GALNT17: variants seen among roughly 807,000 people sequenced by gnomAD.
The protein encoded by GALNT17 is UDP-GalNAc:polypeptide N-acetylgalactosaminyltransferase-like 3.
GALNT17 carries 29 observed loss-of-function variants against 63.7 expected under a neutral mutation model. That is an observed-to-expected ratio of 0.46 (90% CI 0.34 to 0.62). The LOEUF (loss-of-function observed/expected upper bound fraction) is 0.62. Among genes scored for constraint, GALNT17 ranks in the 20% least tolerant of loss-of-function variants. GALNT17 has a pLI of 0.01. For synonymous variants in GALNT17, 305 were observed against 318.3 expected (o/e 0.96, Z 0.45); for missense variants, 603 against 799.6 (o/e 0.75, Z 2.97).
chr7:71,550,905 T>G (rs1789066162), intron 5 of GALNT17, among the ~76,000 whole-genome samples: 1 of 152,214 alleles, frequency 6.6e-6, no homozygotes, highest in Non-Finnish European at 1.5e-5. Context: ...ATTTTGCCTT[T>G]GTTTTTAAAT....
intron 9 of GALNT17, among the ~76,000 whole-genome samples, chr7:71,693,712 C>G (rs1308878342): frequency 2.0e-5 from 3 of 151,316 alleles, no homozygotes; most frequent in Non-Finnish European, 2.9e-5. Flanking sequence ...CTAATGGGTA[C>G]TAGGCTTAAT....
At chr7:71,209,707 A>G (rs1407050418) in intron 1 of GALNT17, among the ~76,000 whole-genome samples, 1 of 151,882 alleles carries the variant, frequency 6.6e-6, no homozygotes, top group African/African-American at 2.4e-5. Flanking sequence ...TATTGCCTAT[A>G]TTAGTCCGTT....
intron 5 of GALNT17, among the ~76,000 whole-genome samples, chr7:71,486,355 TAATAATAATAATA>T (rs1177829699): frequency 6.1e-5 from 8 of 131,840 alleles, no homozygotes; most frequent in Admixed American, 5.8e-4. Context: ...ATAATAATAA[TAATAATAATAATA>T]ATAATAATAA....
intron 5 of GALNT17, among the ~76,000 whole-genome samples, chr7:71,472,546 T>A (rs1319983675): frequency 6.6e-6 from 1 of 151,884 alleles, no homozygotes; most frequent in East Asian, 1.9e-4. Flanking sequence ...ATTAGCTGGG[T>A]GTGATGGCGT....
intron 9 of GALNT17, among the ~76,000 whole-genome samples, chr7:71,706,648 T>C (rs1016469037): frequency 1.3e-5 from 2 of 152,116 alleles, no homozygotes; most frequent in African/African-American, 4.8e-5. Flanking sequence ...CTTCTAACAA[T>C]GACTTTGATT....
chr7:71,590,963 A>G (rs60625937), intron 6 of GALNT17, among the ~76,000 whole-genome samples: 6,327 of 152,178 alleles, frequency 0.042, 402 homozygotes, highest in African/African-American at 0.14. Flanking sequence ...GTTTCGCCAT[A>G]TTGGCCAGGC....
chr7:71,670,487 C>T (rs575968353), intron 8 of GALNT17, among the ~76,000 whole-genome samples: 2 of 152,090 alleles, frequency 1.3e-5, no homozygotes, highest in East Asian at 1.9e-4. Flanking sequence ...GGGCTGGAAT[C>T]ACTTATCAAA....
intron 1 of GALNT17, among the ~76,000 whole-genome samples, chr7:71,133,824 A>G (rs373308267): frequency 1.9e-4 from 29 of 152,262 alleles, no homozygotes; most frequent in Admixed American, 1.8e-3. Flanking sequence ...GCTGTCCCCA[A>G]CGTCAGAGTG....
chr7:71,278,429 T>TA (rs1790720053), intron 1 of GALNT17, among the ~76,000 whole-genome samples: 1 of 152,244 alleles, frequency 6.6e-6, no homozygotes, highest in Admixed American at 6.5e-5. Context: ...TTTGGAGTGA[T>TA]ACAGCTACAA....
At chr7:71,433,027 T>G (rs181617184) in intron 5 of GALNT17, among the ~76,000 whole-genome samples, 117 of 152,264 alleles carry the variant, frequency 7.7e-4, no homozygotes, top group Non-Finnish European at 1.4e-3. Context: ...GCCAGGCTGG[T>G]CTCCACACCT....
intron 5 of GALNT17, among the ~76,000 whole-genome samples, chr7:71,515,556 G>C (rs930401953): frequency 1.1e-4 from 16 of 152,114 alleles, no homozygotes; most frequent in Non-Finnish European, 2.1e-4. Flanking sequence ...CTGAGGTTCT[G>C]ATTAGACCCT....
intron 6 of GALNT17, among the ~76,000 whole-genome samples, chr7:71,615,182 G>T (rs10240023): frequency 0.09 from 13,635 of 152,224 alleles, 813 homozygotes; most frequent in African/African-American, 0.17. Context: ...GCCTGCAGAG[G>T]CCCCATTGCC....
At chr7:71,315,358 A>G (rs1037196007) in intron 1 of GALNT17, among the ~76,000 whole-genome samples, 1 of 152,164 alleles carries the variant, frequency 6.6e-6, no homozygotes, top group African/African-American at 2.4e-5. Context: ...TTTTGTGTGG[A>G]CATGTTTTCA....
chr7:71,580,405 A>ATAGT (rs1789617740), intron 6 of GALNT17, among the ~76,000 whole-genome samples: 2 of 137,150 alleles, frequency 1.5e-5, no homozygotes, highest in East Asian at 4.0e-4. Context: ...TGGATGATAG[A>ATAGT]TAGATAGATA....
intron 1 of GALNT17, among the ~76,000 whole-genome samples, chr7:71,150,324 C>T (rs1788106328): frequency 6.6e-6 from 1 of 151,952 alleles, no homozygotes; most frequent in Admixed American, 6.6e-5. Flanking sequence ...CTGTGTTCAC[C>T]AGGGAATTTT....
chr7:71,320,273 A>G (rs1791582983), intron 1 of GALNT17, among the ~76,000 whole-genome samples: 1 of 152,050 alleles, frequency 6.6e-6, no homozygotes, highest in South Asian at 2.1e-4. Context: ...GTCTTGCTCC[A>G]TCACCCAGGC....
In GALNT17 at chr7:71,693,251, C is replaced by CACACACACAT. The variant is rs1398714102; in HGVS notation, c.1500+15954_1500+15955insTACACACACA. Among the ~76,000 whole-genome samples the CACACACACAT allele has an allele frequency of 5.3e-3, 82 of 15,500 alleles. 1 individual carries two copies. The highest frequency in any genetic ancestry group is 0.012 in the Admixed American group (14 of 1,168). The allele number at this position is 15,500 out of a possible 152,430, so 10.2% of individuals were successfully genotyped here. On this transcript the variant is annotated intron_variant, in intron 9 of 10. Transcript: ENST00000333538. Reference sequence around the variant, plus strand: ...GTATACATATATACACATATATATACACACACACACATACACACACACACA... The same window carrying CACACACACAT: ...GTATACATATATACACATATATATACACACACACATACACACACACATACACACACACACA...
At chr7:71,350,276 A>T (rs1194283642) in intron 2 of GALNT17, among the ~76,000 whole-genome samples, 1 of 152,200 alleles carries the variant, frequency 6.6e-6, no homozygotes, top group Non-Finnish European at 1.5e-5. Context: ...TTATTCATTC[A>T]CTCAGTAAAT....
chr7:71,391,878 G>A (rs1184298637), intron 3 of GALNT17, among the ~76,000 whole-genome samples: 1 of 152,120 alleles, frequency 6.6e-6, no homozygotes. Context: ...TTGGCTTCTG[G>A]TGAGGCCTCA....
Sources: allele counts gnomAD v4.1 joint callset (sites outside exome capture counted in the v4.1 genomes callset), GRCh38; gene constraint gnomAD v4.1.1; transcripts MANE v1.5; gene names NCBI Gene and HGNC (gene_info 2026-07-23, HGNC 2026-07-21).